RUNX2: variants seen among roughly 807,000 people sequenced by gnomAD.
RUNX2 encodes the protein RUNX family transcription factor 2.
A neutral mutation model predicts 51.7 loss-of-function variants in RUNX2; 10 were observed. The ratio of observed to expected loss-of-function variants is 0.19; its 90% confidence interval spans 0.12 to 0.33. RUNX2 has a LOEUF of 0.33. RUNX2 is among the 10% of genes least tolerant of loss of function. The pLI is 1.00. For synonymous variants in RUNX2, 276 were observed against 273.6 expected (o/e 1.01, Z -0.09); for missense variants, 562 against 691.3 (o/e 0.81, Z 2.10).
chr6:45,485,788 C>CT (rs1800267544), intron 5 of RUNX2, among the ~76,000 whole-genome samples: 1 of 149,700 alleles, frequency 6.7e-6, no homozygotes, highest in African/African-American at 2.5e-5. Context: ...TTCCAGCTAA[C>CT]TTTCCTTGTT....
chr6:45,495,691 T>C (rs987264698), intron 6 of RUNX2, among the ~76,000 whole-genome samples: 23 of 152,316 alleles, frequency 1.5e-4, no homozygotes, highest in African/African-American at 4.6e-4. Flanking sequence ...TCCCCTCTAG[T>C]TCTCCCACTT....
At chr6:45,384,692 A>G (rs1490891499) in intron 2 of RUNX2, among the ~76,000 whole-genome samples, 1 of 135,726 alleles carries the variant, frequency 7.4e-6, no homozygotes, top group Admixed American at 7.5e-5. Context: ...CTCAAGTATT[A>G]GACATTAGGG....
At chr6:45,390,020 GT>G (rs1797436242) in intron 2 of RUNX2, among the ~76,000 whole-genome samples, 2 of 148,724 alleles carry the variant, frequency 1.3e-5, no homozygotes, top group Non-Finnish European at 3.0e-5. Context: ...AAAAAAAAAA[GT>G]TATTTCACAT....
chr6:45,545,537 G>A (rs947305716), intron 8 of RUNX2, among the ~76,000 whole-genome samples: 5 of 152,102 alleles, frequency 3.3e-5, no homozygotes, highest in Non-Finnish European at 7.3e-5. Flanking sequence ...AATAAACATC[G>A]TAATATCCAA....
chr6:45,547,195 A>G lies in RUNX2; in HGVS notation c.1456A>G (p.Asn486Asp). Residue 486 changes from asparagine (N) to aspartate (D), a missense_variant, in exon 9 of 9, where the codon AAT (asparagine) becomes GAT (aspartate). Asn to Asp is a conservative substitution (Grantham distance 23). Coordinates refer to ENST00000647337, the MANE Select transcript of RUNX2 (RefSeq NM_001024630.4). ...TSNGSTLLNP[N>D]LPNQNDGVDA... ...GAATGGCAGCACGCTATTAAATCCA[A>G]ATTTGCCTAACCAGAATGATGGTGT... 1 of 1,613,978 alleles carries G rather than the reference A, an allele frequency of 6.2e-7. No individual in the cohort carries two copies. The highest frequency in any genetic ancestry group is 8.5e-7 in the Non-Finnish European group (1 of 1,179,978).
At chr6:45,524,486 G>A (rs971994305) in intron 7 of RUNX2, among the ~76,000 whole-genome samples, 4 of 152,238 alleles carry the variant, frequency 2.6e-5, no homozygotes, top group Non-Finnish European at 5.9e-5. Context: ...AACGGTCACC[G>A]TTCCAGCTCT....
chr6:45,392,138 T>C (rs1025371594), intron 2 of RUNX2, among the ~76,000 whole-genome samples: 5 of 152,176 alleles, frequency 3.3e-5, no homozygotes, highest in Non-Finnish European at 5.9e-5. Flanking sequence ...TAATACATAA[T>C]ACCTGCCTTC....
In RUNX2 at chr6:45,483,858, G is replaced by T. The variant is rs557529667; in HGVS notation, c.686-8083G>T. ...GTGTATTTGGACTGTCGATAGACCAGTGTGAGTAGAGCACAAGCTGGGAGC... is the reference window on the plus strand; with the variant it reads ...GTGTATTTGGACTGTCGATAGACCATTGTGAGTAGAGCACAAGCTGGGAGC... On this transcript the variant is annotated intron_variant, in intron 5 of 8. Coordinates refer to ENST00000647337, the MANE Select transcript of RUNX2 (RefSeq NM_001024630.4). Among the ~76,000 whole-genome samples the T allele has an allele frequency of 2.8e-4, 43 of 152,362 alleles. 1 individual carries two copies. The South Asian group carries it at 7.9e-3, about 28-fold the overall frequency.
rs1368891896 is a variant in RUNX2 at position 45,447,880 on chromosome 6, G to A, written c.685+9829G>A. Among the ~76,000 whole-genome samples the A allele has an allele frequency of 2.0e-5, 3 of 152,184 alleles. No individual in the cohort carries two copies. In the East Asian group the frequency reaches 5.8e-4, roughly 29 times the overall value. ...TATTCCTGAAAATGTTAGCAGTTGTGTGTGTTAGCTGCTGCCAACATGCGG... is the reference window on the plus strand; with the variant it reads ...TATTCCTGAAAATGTTAGCAGTTGTATGTGTTAGCTGCTGCCAACATGCGG... On this transcript the variant is annotated intron_variant, in intron 5 of 8. Transcript: ENST00000647337.
chr6:45,464,076 C>A (rs1336778715), intron 5 of RUNX2, among the ~76,000 whole-genome samples: 1 of 152,096 alleles, frequency 6.6e-6, no homozygotes, highest in African/African-American at 2.4e-5. Context: ...GCCTGTAGTC[C>A]CAGCTACTCA....
At chr6:45,382,142 T>C (rs940591998) in intron 2 of RUNX2, among the ~76,000 whole-genome samples, 2 of 152,180 alleles carry the variant, frequency 1.3e-5, no homozygotes, top group African/African-American at 4.8e-5. Flanking sequence ...TGGAATCCAA[T>C]ATGTAAAACT....
intron 2 of RUNX2, among the ~76,000 whole-genome samples, chr6:45,332,272 A>T (rs977305190): frequency 6.6e-6 from 1 of 151,702 alleles, no homozygotes; most frequent in African/African-American, 2.4e-5. Context: ...GCTCACATGA[A>T]AACTGTGGTA....
chr6:45,382,917 T>C (rs556370344), intron 2 of RUNX2, among the ~76,000 whole-genome samples: 4 of 152,174 alleles, frequency 2.6e-5, no homozygotes, highest in Non-Finnish European at 4.4e-5. Flanking sequence ...CAATATGATT[T>C]GTTGACACAT....
intron 4 of RUNX2, among the ~76,000 whole-genome samples, chr6:45,433,253 T>G (rs553829293): frequency 2.1e-4 from 32 of 152,292 alleles, no homozygotes; most frequent in African/African-American, 6.0e-4. Context: ...TATCTCTGCA[T>G]CAGGTTTAGT....
At chr6:45,475,580 A>G (rs1799934327) in intron 5 of RUNX2, among the ~76,000 whole-genome samples, 1 of 152,208 alleles carries the variant, frequency 6.6e-6, no homozygotes, top group Non-Finnish European at 1.5e-5. Context: ...TTCAACATTC[A>G]GAGCTAATTT....
chr6:45,357,885 G>C (rs1793526464), intron 2 of RUNX2, among the ~76,000 whole-genome samples: 1 of 151,890 alleles, frequency 6.6e-6, no homozygotes, highest in African/African-American at 2.4e-5. Flanking sequence ...TTTTCAGAAA[G>C]ACTAAGAGTA....
Position 45,550,565 on chromosome 6 carries a change from AAGAC to A in RUNX2, c.*3262_*3265del, listed in dbSNP as rs1413084667. 6.6e-6 allele frequency: 1 copy of A among 152,646 alleles called. No homozygotes were observed. Among genetic ancestry groups the A allele is most frequent in the Non-Finnish European group, 1.5e-5 (1 of 68,038 alleles). The allele number at this position is 152,646 out of a possible 1,614,324, so 9.5% of individuals were successfully genotyped here. ...ATGGTATTTGAAAGAACAATAATAA[AAGAC>A]ACTTCTTCCAAACCTTGAATTTGTT... On this transcript the variant is annotated 3_prime_UTR_variant, in exon 9 of 9. Transcript: ENST00000647337.
At chr6:45,483,075 T>G (rs1344480721) in intron 5 of RUNX2, among the ~76,000 whole-genome samples, 1 of 152,226 alleles carries the variant, frequency 6.6e-6, no homozygotes, top group Non-Finnish European at 1.5e-5. Flanking sequence ...TGTGGTCCTG[T>G]GTCTGAAGCC....
At position 45,548,982 on chromosome 6, in the gene RUNX2, A is replaced by T; in HGVS notation, c.*1677A>T. On this transcript the variant is annotated 3_prime_UTR_variant, in exon 9 of 9. Coordinates refer to ENST00000647337, the MANE Select transcript of RUNX2 (RefSeq NM_001024630.4). The stretch of plus-strand genomic sequence containing the variant: ...CTGAGAGGACATATGGCCCACGGGG[A>T]CCTACAGACAGCCTTTGACATTTGT... 1 of 397,324 alleles carries T rather than the reference A, an allele frequency of 2.5e-6. No individual in the cohort carries two copies. The highest frequency in any genetic ancestry group is 3.6e-5 in the East Asian group (1 of 28,026). The allele number at this position is 397,324 out of a possible 1,614,324, so 24.6% of individuals were successfully genotyped here.
Sources: gnomAD v4.1 joint callset for allele counts (sites outside exome capture counted in the v4.1 genomes callset) on GRCh38, gnomAD v4.1.1 for gene constraint, MANE v1.5 for transcripts, NCBI Gene and HGNC (gene_info 2026-07-23, HGNC 2026-07-21) for gene names.